The following SLC9C2 variants were observed in gnomAD, a reference collection of about 807,000 sequenced individuals.
SLC9C2 encodes the protein sodium/hydrogen exchanger 11.
A neutral mutation model predicts 140.2 loss-of-function variants in SLC9C2; 75 were observed. The observed-to-expected ratio is 0.53, with a 90% CI of 0.44 to 0.65. The LOEUF (loss-of-function observed/expected upper bound fraction) is 0.65, where lower values mean the gene tolerates loss of function less well. Among genes scored for constraint, SLC9C2 ranks in the 30% least tolerant of loss-of-function variants. The pLI is 0.00. For missense variants in SLC9C2, 1,074 were observed against 1,331.8 expected (o/e 0.81, Z 3.01); for synonymous variants, 375 against 420.9 (o/e 0.89, Z 1.34).
chr1:173,505,411 T>G, intron 25 of SLC9C2, 80 bp from the exon 26 acceptor site: 1 of 1,099,168 alleles, frequency 9.1e-7, no homozygotes, highest in Non-Finnish European at 1.4e-6. Flanking sequence ...TTCCAAAGAG[T>G]ATAAAAAATA....
At chr1:173,584,369 A>G (rs955449196) in intron 5 of SLC9C2, among the ~76,000 whole-genome samples, 1 of 152,182 alleles carries the variant, frequency 6.6e-6, no homozygotes, top group Non-Finnish European at 1.5e-5. Context: ...TCCACAGCCA[A>G]ATTTCCATCT....
At chr1:173,504,130 C>G (rs760488344) in intron 26 of SLC9C2, among the ~76,000 whole-genome samples, 28 of 152,116 alleles carry the variant, frequency 1.8e-4, no homozygotes, top group Non-Finnish European at 3.4e-4. Flanking sequence ...AGACTGTGAG[C>G]TGGGGAAATG....
chr1:173,528,650 G>A (rs1289790670), intron 18 of SLC9C2, among the ~76,000 whole-genome samples: 2 of 152,110 alleles, frequency 1.3e-5, no homozygotes, highest in African/African-American at 2.4e-5. Context: ...CTGAGGTAAC[G>A]TAACCGTCAC....
chr1:173,535,283 G>T (rs1230094708), intron 15 of SLC9C2, among the ~76,000 whole-genome samples: 1 of 151,898 alleles, frequency 6.6e-6, no homozygotes, highest in East Asian at 1.9e-4. Flanking sequence ...ATGTTCTATT[G>T]GTATAAAAAT....
chr1:173,570,724 C>T (rs1354674310), intron 9 of SLC9C2, among the ~76,000 whole-genome samples: 1 of 152,200 alleles, frequency 6.6e-6, no homozygotes, highest in Non-Finnish European at 1.5e-5. Context: ...GGTGCTTCCC[C>T]TCTGGCTAGG....
chr1:173,541,822 AC>A (rs1662446645), intron 13 of SLC9C2, among the ~76,000 whole-genome samples: 1 of 152,252 alleles, frequency 6.6e-6, no homozygotes, highest in Admixed American at 6.5e-5. Context: ...GAGAACAAAG[AC>A]ACAACATACC....
chr1:173,508,013 C>T (rs1659778612), intron 24 of SLC9C2, among the ~76,000 whole-genome samples: 1 of 152,152 alleles, frequency 6.6e-6, no homozygotes, highest in Non-Finnish European at 1.5e-5. Context: ...AACATCTCCA[C>T]CCCCATTCAG....
At chr1:173,510,252 G>A (rs1001456851) in intron 23 of SLC9C2, among the ~76,000 whole-genome samples, 11 of 152,066 alleles carry the variant, frequency 7.2e-5, no homozygotes, top group African/African-American at 2.7e-4. Context: ...TAAGACTCTG[G>A]ATCCTGCTCT....
At chr1:173,586,388 C>T (rs1665849637) in intron 5 of SLC9C2, among the ~76,000 whole-genome samples, 2 of 152,240 alleles carry the variant, frequency 1.3e-5, no homozygotes, top group Admixed American at 6.5e-5. Flanking sequence ...TAGTATATTT[C>T]CACTAAATAC....
At chr1:173,547,577 C>T (rs1662941683) in intron 13 of SLC9C2, 112 bp downstream of exon 13, 1 of 670,676 alleles carries the variant, frequency 1.5e-6, no homozygotes, top group African/African-American at 1.9e-5. Flanking sequence ...TTAATTTTAA[C>T]AATCAATAGA....
intron 16 of SLC9C2, among the ~76,000 whole-genome samples, chr1:173,534,210 G>T (rs910542730): frequency 6.6e-6 from 1 of 152,026 alleles, no homozygotes; most frequent in Non-Finnish European, 1.5e-5. Flanking sequence ...ATATTTGAGG[G>T]AAACGTCCAT....
chr1:173,576,731 C>T lies in SLC9C2; in HGVS notation c.832G>A (p.Ala278Thr). The T allele has an allele frequency of 6.2e-7, 1 of 1,605,018 alleles. No homozygotes were observed. Among genetic ancestry groups the T allele is most frequent in the Non-Finnish European group, 8.5e-7 (1 of 1,177,450 alleles). Residue 278 changes from alanine to threonine, a missense_variant, in exon 8 of 28, where the codon GCC becomes ACC. Coordinates refer to ENST00000367714, the MANE Select transcript of SLC9C2 (RefSeq NM_178527.4). ...VEFLGMSGTL[A>T]LAAVGLNLDS... The stretch of plus-strand genomic sequence containing the variant: ...AAATTCAGTCCTACAGCGGCTAAGG[C>T]AAGAGTGCCTGACATTCCTAAAAAT...
chr1:173,521,095 A>G (rs1163508492), intron 22 of SLC9C2, among the ~76,000 whole-genome samples: 1 of 152,226 alleles, frequency 6.6e-6, no homozygotes, highest in Non-Finnish European at 1.5e-5. Context: ...GGAAATAAGT[A>G]AAGACTATGA....
chr1:173,522,113 A>T (rs1660870465), intron 21 of SLC9C2, among the ~76,000 whole-genome samples: 2 of 151,828 alleles, frequency 1.3e-5, no homozygotes, highest in Admixed American at 1.3e-4. Context: ...CTGTAGTCCC[A>T]GCTACAGGCT....
At chr1:173,583,341 G>A (rs547077567) in intron 6 of SLC9C2, among the ~76,000 whole-genome samples, 165 bp downstream of exon 6, 55 of 152,188 alleles carry the variant, frequency 3.6e-4, no homozygotes, top group African/African-American at 1.2e-3. Context: ...GGTTGAATCC[G>A]TGGATGCAGA....
intron 13 of SLC9C2, among the ~76,000 whole-genome samples, chr1:173,546,793 C>T (rs758827663): frequency 1.8e-4 from 28 of 151,828 alleles, no homozygotes; most frequent in Non-Finnish European, 3.2e-4. Context: ...ACCACTGAGT[C>T]GACATTTGAT....
chr1:173,558,401 C>A (rs1663861141), intron 9 of SLC9C2, among the ~76,000 whole-genome samples: 3 of 152,094 alleles, frequency 2.0e-5, no homozygotes, highest in Admixed American at 6.5e-5. Flanking sequence ...AAAATAGAAA[C>A]AACTTATGTC....
At chr1:173,539,227 A>C (rs777048741) in intron 13 of SLC9C2, among the ~76,000 whole-genome samples, 1 of 152,204 alleles carries the variant, frequency 6.6e-6, no homozygotes, top group Non-Finnish European at 1.5e-5. Context: ...TTAGGGTTTT[A>C]AGCAGGAAGG....
intron 5 of SLC9C2, among the ~76,000 whole-genome samples, chr1:173,584,293 A>G (rs2102227002): frequency 1.3e-5 from 2 of 152,316 alleles, no homozygotes; most frequent in South Asian, 2.1e-4. Context: ...AATGTCCGTG[A>G]TAGACAGATA....
Sources: allele counts gnomAD v4.1 joint callset (sites outside exome capture counted in the v4.1 genomes callset), GRCh38; gene constraint gnomAD v4.1.1; transcripts MANE v1.5; gene names NCBI Gene and HGNC (gene_info 2026-07-23, HGNC 2026-07-21).